The following TXNDC16 variants were observed in gnomAD, a reference collection of about 807,000 sequenced individuals.
TXNDC16 encodes the protein thioredoxin domain-containing protein 16.
A neutral mutation model predicts 85.6 loss-of-function variants in TXNDC16; 74 were observed. That is an observed-to-expected ratio of 0.86 (90% CI 0.72 to 1.05). TXNDC16 has a LOEUF of 1.05. TXNDC16 is among the 50% of genes least tolerant of loss of function. The pLI, the probability that TXNDC16 is intolerant of heterozygous loss-of-function variation, is 0.00. For missense variants in TXNDC16, 959 were observed against 947.0 expected (o/e 1.01, Z -0.17); for synonymous variants, 335 against 326.5 (o/e 1.03, Z -0.28).
In TXNDC16 at chr14:52,430,690, T is replaced by C. The variant is rs1206657106; in HGVS notation, c.*1614A>G. 1 of 152,242 alleles carries C rather than the reference T, an allele frequency of 6.6e-6. No individual in the cohort carries two copies. The highest frequency in any genetic ancestry group is 2.4e-5 in the African/African-American group (1 of 41,454). 9.4% of individuals were successfully genotyped at this position (152,242 alleles called of 1,614,324 possible). A position where few individuals can be genotyped will look rare whatever the true frequency, so the allele number is the denominator to read the frequency against. On this transcript the variant is annotated 3_prime_UTR_variant, in exon 21 of 21. Coordinates refer to ENST00000281741, the MANE Select transcript of TXNDC16 (RefSeq NM_020784.3). ...GGTACAATGACTAAGCAATTTCATG[T>C]TTCTATGTGCTGGTACTTAATTAGC...
chr14:52,484,522 G>A (rs993492891), intron 12 of TXNDC16, among the ~76,000 whole-genome samples: 2 of 152,100 alleles, frequency 1.3e-5, no homozygotes, highest in South Asian at 2.1e-4. Context: ...TTGTAACATC[G>A]TAGCACAACA....
chr14:52,542,560 C>T, intron 3 of TXNDC16, 107 bp from the exon 4 acceptor site: 1 of 675,412 alleles, frequency 1.5e-6, no homozygotes, highest in Non-Finnish European at 2.6e-6. Context: ...CATGCAACAA[C>T]AAATAACTAA....
chr14:52,433,276 A>G (rs1474659027), intron 20 of TXNDC16, among the ~76,000 whole-genome samples: 5 of 152,290 alleles, frequency 3.3e-5, no homozygotes, highest in African/African-American at 1.2e-4. Flanking sequence ...ATTTTAAAAT[A>G]TTGGTTATTG....
chr14:52,546,461 C>T (rs1275624028), intron 1 of TXNDC16, among the ~76,000 whole-genome samples: 1 of 152,174 alleles, frequency 6.6e-6, no homozygotes, highest in Non-Finnish European at 1.5e-5. Context: ...TCCTCCACCT[C>T]TGGGGGAGTT....
At chr14:52,450,853 T>TTA (rs71125107) in intron 18 of TXNDC16, among the ~76,000 whole-genome samples, 1,867 of 145,052 alleles carry the variant, frequency 0.013, 18 homozygotes, top group Middle Eastern at 0.032. Flanking sequence ...AAAATGTGTT[T>TTA]TATATATATA....
At chr14:52,442,895 TAGAAG>T (rs1239800252) in intron 18 of TXNDC16, among the ~76,000 whole-genome samples, 3 of 152,170 alleles carry the variant, frequency 2.0e-5, no homozygotes, top group African/African-American at 4.8e-5. Flanking sequence ...GTTCATACTT[TAGAAG>T]AGAAGACAGG....
intron 7 of TXNDC16, among the ~76,000 whole-genome samples, chr14:52,515,906 G>A (rs2037072524): frequency 6.6e-6 from 1 of 152,000 alleles, no homozygotes; most frequent in Non-Finnish European, 1.5e-5. Context: ...ACTATTTGCA[G>A]AGAAGCCATA....
intron 20 of TXNDC16, among the ~76,000 whole-genome samples, chr14:52,433,089 T>A (rs1004789020): frequency 4.6e-5 from 7 of 152,194 alleles, no homozygotes; most frequent in African/African-American, 1.2e-4. Flanking sequence ...TAAAGCATTT[T>A]CTGTTCTTGA....
At chr14:52,525,535 C>CA (rs397853370) in intron 6 of TXNDC16, among the ~76,000 whole-genome samples, 29,026 of 136,050 alleles carry the variant, frequency 0.21, 3,018 homozygotes, top group East Asian at 0.33. Flanking sequence ...ACTAAAAATA[C>CA]AAAAAAAAAA....
chr14:52,485,689 A>G lies in TXNDC16; in HGVS notation c.1108+2674T>C, dbSNP rs1566553668. 2.0e-4 allele frequency among the ~76,000 whole-genome samples: 30 copies of G among 152,346 alleles called. No individual in the cohort carries two copies. The South Asian group carries it at 5.8e-3, about 29-fold the overall frequency. Reference sequence around the variant, plus strand: ...CCATTGTGTTATAGGTACCTACAGTATTCAGTACAGTAACATGCTGTATAG... The same window carrying G: ...CCATTGTGTTATAGGTACCTACAGTGTTCAGTACAGTAACATGCTGTATAG... On this transcript the variant is annotated intron_variant, in intron 12 of 20. Coordinates refer to ENST00000281741, the MANE Select transcript of TXNDC16 (RefSeq NM_020784.3).
intron 11 of TXNDC16, among the ~76,000 whole-genome samples, chr14:52,489,173 T>C (rs1259659998): frequency 1.3e-5 from 2 of 152,152 alleles, no homozygotes; most frequent in African/African-American, 2.4e-5. Flanking sequence ...TCCACAGAAA[T>C]ATTCAAAACA....
chr14:52,526,618 G>A (rs959248646), intron 6 of TXNDC16, among the ~76,000 whole-genome samples: 1 of 152,182 alleles, frequency 6.6e-6, no homozygotes, highest in Non-Finnish European at 1.5e-5. Flanking sequence ...CTGTGATACT[G>A]TAAAATATGT....
chr14:52,526,344 A>G (rs1357334572), intron 6 of TXNDC16, among the ~76,000 whole-genome samples: 1 of 152,170 alleles, frequency 6.6e-6, no homozygotes, highest in East Asian at 1.9e-4. Context: ...CTCCACCCCC[A>G]GCTTCCCCAT....
rs997466453 is a variant in TXNDC16 at position 52,503,915 on chromosome 14, C to T, written c.756+7325G>A. Among the ~76,000 whole-genome samples the T allele has an allele frequency of 2.0e-5, 3 of 152,162 alleles. 1 individual carries two copies. The highest frequency in any genetic ancestry group is 4.4e-5 in the Non-Finnish European group (3 of 68,034). On this transcript the variant is annotated intron_variant, in intron 9 of 20. Transcript: ENST00000281741. The stretch of plus-strand genomic sequence containing the variant: ...GGAGCTGAAAACTATGGCACGAGAA[C>T]TACGGGACAAATGCACAAGCCTCAG...
rs114232503 is a variant in TXNDC16 at position 52,446,341 on chromosome 14, C to A, written c.1843-5617G>T. On this transcript the variant is annotated intron_variant, in intron 18 of 20. Coordinates refer to ENST00000281741, the MANE Select transcript of TXNDC16 (RefSeq NM_020784.3). Reference sequence around the variant, plus strand: ...TAACAGCAGGCAAAACCAGACTGAACTCAGTGCATGCTCGCCCACAGTGGG... The same window carrying A: ...TAACAGCAGGCAAAACCAGACTGAAATCAGTGCATGCTCGCCCACAGTGGG... Among the ~76,000 whole-genome samples the A allele has an allele frequency of 3.7e-3, 567 of 152,312 alleles. 1 individual carries two copies. The highest frequency in any genetic ancestry group is 0.013 in the African/African-American group (543 of 41,570).
At position 52,512,541 on chromosome 14, in the gene TXNDC16, G is replaced by T. The variant is rs186050664; in HGVS notation, c.606-1151C>A. Among the ~76,000 whole-genome samples, 94 of 152,290 alleles carry T rather than the reference G, an allele frequency of 6.2e-4. 2 individuals carry two copies. In the South Asian group the frequency reaches 6.8e-3, roughly 11 times the overall value. ...CTGAATAGTCACATACTGCTGAAAG[G>T]AAAGTGTTGAGTGCAGGAGGTCCTA... On this transcript the variant is annotated intron_variant, in intron 8 of 20. Transcript: ENST00000281741.
In TXNDC16 at chr14:52,539,675, G is replaced by A. The variant is rs77150396; in HGVS notation, c.244-2003C>T. On this transcript the variant is annotated intron_variant, in intron 4 of 20. Transcript: ENST00000281741. ...ATGGCAGGAAGAAGTAAAAATGAAG[G>A]TATAGGAAGTGGTCAGATTTGAAAA... is the stretch of plus-strand genomic sequence containing the variant. Among the ~76,000 whole-genome samples, 729 of 152,232 alleles carry A rather than the reference G, an allele frequency of 4.8e-3. 14 individuals are homozygous for A. The highest frequency in any genetic ancestry group is 0.039 in the Admixed American group (602 of 15,298).
chr14:52,513,650 G>C (rs1246218740), intron 8 of TXNDC16, among the ~76,000 whole-genome samples: 2 of 109,516 alleles, frequency 1.8e-5, no homozygotes, highest in Non-Finnish European at 4.2e-5. Context: ...TACATATTCT[G>C]TGTGTGTGTG....
chr14:52,469,607 G>A (rs750336857), intron 16 of TXNDC16, among the ~76,000 whole-genome samples: 2 of 151,950 alleles, frequency 1.3e-5, no homozygotes. Flanking sequence ...GCTGGGCATG[G>A]TGGCATGTGC....
Sources: allele counts gnomAD v4.1 joint callset (sites outside exome capture counted in the v4.1 genomes callset), GRCh38; gene constraint gnomAD v4.1.1; transcripts MANE v1.5; gene names NCBI Gene and HGNC (gene_info 2026-07-23, HGNC 2026-07-21).